NKAIN2: variants seen among roughly 807,000 people sequenced by gnomAD.
NKAIN2 encodes the protein sodium/potassium-transporting ATPase subunit beta-1-interacting protein 2.
A neutral mutation model predicts 32.6 loss-of-function variants in NKAIN2; 14 were observed. That is an observed-to-expected ratio of 0.43 (90% CI 0.28 to 0.67). The LOEUF (loss-of-function observed/expected upper bound fraction) is 0.67. NKAIN2 is among the 30% of genes least tolerant of loss of function. The probability of loss-of-function intolerance (pLI) is 0.17; values close to 1 mark genes in which losing one functional copy is unlikely to be tolerated. For missense variants in NKAIN2, 198 were observed against 258.3 expected, an observed-to-expected ratio of 0.77 and a Z score of 1.60; for synonymous variants, 80 against 87.2, an observed-to-expected ratio of 0.92 and a Z score of 0.46.
intron 3 of NKAIN2, among the ~76,000 whole-genome samples, chr6:124,538,106 A>G (rs1453497869): frequency 6.6e-6 from 1 of 152,092 alleles, no homozygotes; most frequent in Non-Finnish European, 1.5e-5. Context: ...TTTATTCAAT[A>G]CATTCAGTTT....
At chr6:124,373,319 A>C (rs1004784552) in intron 3 of NKAIN2, among the ~76,000 whole-genome samples, 2 of 152,084 alleles carry the variant, frequency 1.3e-5, no homozygotes, top group Admixed American at 1.3e-4. Context: ...TGACATGAGA[A>C]AGACAGGGAG....
intron 4 of NKAIN2, among the ~76,000 whole-genome samples, chr6:124,790,316 T>A (rs1779691740): frequency 6.6e-6 from 1 of 152,068 alleles, no homozygotes; most frequent in Non-Finnish European, 1.5e-5. Flanking sequence ...GAAAAACAAC[T>A]TCATTAGGCT....
chr6:124,791,486 A>AGAG lies in NKAIN2; in HGVS notation c.535+89_535+90insGGA, dbSNP rs1465432259. On this transcript the variant is annotated intron_variant, in intron 5 of 6. Coordinates refer to ENST00000368417, the MANE Select transcript of NKAIN2 (RefSeq NM_001040214.3). ...ACTTAGCCTTCCTATTCCTCAGACAAGATCCTACAACACAGCATTAGAATG... is the reference window on the plus strand; with the variant it reads ...ACTTAGCCTTCCTATTCCTCAGACAAGAGGATCCTACAACACAGCATTAGAATG... 3.6e-6 allele frequency: 3 copies of AGAG among 830,174 alleles called. No homozygotes were observed. The African/African-American group carries it at 5.0e-5, about 14-fold the overall frequency. The allele number at this position is 830,174 out of a possible 1,614,324, so 51.4% of individuals were successfully genotyped here. A position where few individuals can be genotyped will look rare whatever the true frequency, so the allele number is the denominator to read the frequency against.
At chr6:124,630,744 A>G (rs984214164) in intron 3 of NKAIN2, among the ~76,000 whole-genome samples, 4 of 152,108 alleles carry the variant, frequency 2.6e-5, no homozygotes, top group Admixed American at 2.0e-4. Flanking sequence ...TTTATGGAAA[A>G]TGATTAACAT....
intron 2 of NKAIN2, among the ~76,000 whole-genome samples, chr6:124,300,114 A>G (rs1416253710): frequency 6.6e-6 from 1 of 152,130 alleles, no homozygotes; most frequent in Non-Finnish European, 1.5e-5. Context: ...TCCTCTTTAC[A>G]TGGTTGATCT....
At chr6:124,604,495 T>C (rs563111386) in intron 3 of NKAIN2, among the ~76,000 whole-genome samples, 1 of 152,012 alleles carries the variant, frequency 6.6e-6, no homozygotes, top group East Asian at 1.9e-4. Context: ...CTATTCTCCT[T>C]TTACTTCTTT....
At chr6:124,807,903 C>G (rs185038039) in intron 5 of NKAIN2, among the ~76,000 whole-genome samples, 1 of 150,276 alleles carries the variant, frequency 6.7e-6, no homozygotes, top group Admixed American at 6.7e-5. Context: ...ATGAATTCCT[C>G]GACACATACA....
chr6:123,901,917 T>TA (rs777642797), intron 1 of NKAIN2, among the ~76,000 whole-genome samples: 4 of 151,246 alleles, frequency 2.6e-5, no homozygotes, highest in African/African-American at 9.7e-5. Flanking sequence ...AATGAAGACT[T>TA]AAAAAAAAAT....
At chr6:124,078,177 A>T (rs907454849) in intron 1 of NKAIN2, among the ~76,000 whole-genome samples, 1 of 152,026 alleles carries the variant, frequency 6.6e-6, no homozygotes, top group Non-Finnish European at 1.5e-5. Flanking sequence ...AATTAATAAA[A>T]TTTTTCTAGA....
intron 1 of NKAIN2, among the ~76,000 whole-genome samples, chr6:124,162,864 GTCT>G (rs1417449499): frequency 6.6e-6 from 1 of 152,016 alleles, no homozygotes; most frequent in African/African-American, 2.4e-5. Flanking sequence ...CATACATGAA[GTCT>G]TCTTAGGCAA....
chr6:124,444,277 C>A (rs1454810691), intron 3 of NKAIN2, among the ~76,000 whole-genome samples: 2 of 151,840 alleles, frequency 1.3e-5, no homozygotes, highest in South Asian at 2.1e-4. Context: ...TTCTTAGGAC[C>A]CTTACAACTT....
intron 1 of NKAIN2, among the ~76,000 whole-genome samples, chr6:124,130,670 C>T (rs1464260549): frequency 6.6e-6 from 1 of 150,490 alleles, no homozygotes; most frequent in Non-Finnish European, 1.5e-5. Context: ...TACTTAAGAT[C>T]GATCTTCATG....
chr6:124,676,063 T>A (rs2114488676), intron 4 of NKAIN2, among the ~76,000 whole-genome samples: 2 of 152,314 alleles, frequency 1.3e-5, no homozygotes, highest in Middle Eastern at 6.8e-3. Context: ...TAATTTCCCT[T>A]TTGATTTTTC....
chr6:124,533,493 C>G (rs1015036503), intron 3 of NKAIN2, among the ~76,000 whole-genome samples: 1 of 53,622 alleles, frequency 1.9e-5, no homozygotes, highest in Non-Finnish European at 4.5e-5. Context: ...AAAAAAAAAT[C>G]CTGCTGATTG....
intron 5 of NKAIN2, among the ~76,000 whole-genome samples, chr6:124,806,943 C>T (rs1329693835): frequency 6.6e-6 from 1 of 152,134 alleles, no homozygotes; most frequent in African/African-American, 2.4e-5. Context: ...AGCTAACTAT[C>T]CTAAATATAT....
intron 1 of NKAIN2, among the ~76,000 whole-genome samples, chr6:123,844,051 T>G (rs920171310): frequency 6.6e-6 from 1 of 152,158 alleles, no homozygotes; most frequent in Non-Finnish European, 1.5e-5. Context: ...AGAGAACTTA[T>G]GAGAAGGCCT....
intron 1 of NKAIN2, among the ~76,000 whole-genome samples, chr6:123,813,028 A>G (rs552591065): frequency 6.6e-6 from 1 of 152,372 alleles, no homozygotes. Flanking sequence ...GTTCGGTGGT[A>G]GGGAATTCAT....
At chr6:124,447,569 G>T (rs1775947057) in intron 3 of NKAIN2, among the ~76,000 whole-genome samples, 1 of 152,098 alleles carries the variant, frequency 6.6e-6, no homozygotes, top group South Asian at 2.1e-4. Flanking sequence ...AGTTGCAGGT[G>T]CTTTCATTAT....
chr6:124,098,308 AG>A (rs1254837960), intron 1 of NKAIN2, among the ~76,000 whole-genome samples: 1 of 152,214 alleles, frequency 6.6e-6, no homozygotes. Context: ...CTTTGAGGAC[AG>A]GGATCATGCA....
Sources: gnomAD v4.1 joint callset for allele counts (sites outside exome capture counted in the v4.1 genomes callset) on GRCh38, gnomAD v4.1.1 for gene constraint, MANE v1.5 for transcripts, NCBI Gene and HGNC (gene_info 2026-07-23, HGNC 2026-07-21) for gene names.